CDH19: variants seen among roughly 807,000 people sequenced by gnomAD.
The protein encoded by CDH19 is cadherin 19, also known as cadherin-19.
CDH19 carries 67 observed loss-of-function variants against 64.2 expected under a neutral mutation model. That is an observed-to-expected ratio of 1.04 (90% CI 0.86 to 1.28). The LOEUF is 1.28. Among genes scored for constraint, CDH19 ranks in the 50% most tolerant of loss-of-function variants. The pLI is 0.00. For synonymous variants in CDH19, 346 were observed against 319.3 expected (o/e 1.08, Z -0.89); for missense variants, 1,030 against 929.0 (o/e 1.11, Z -1.41).
chr18:66,520,341 G>T (rs12956983), intron 9 of CDH19, among the ~76,000 whole-genome samples: 38,554 of 132,886 alleles, frequency 0.29, 6,346 homozygotes, highest in South Asian at 0.39. Flanking sequence ...GAAAATAGCT[G>T]TTTTTTTTTT....
At chr18:66,506,520 C>A (rs1419382987) in intron 11 of CDH19, among the ~76,000 whole-genome samples, 1 of 151,946 alleles carries the variant, frequency 6.6e-6, no homozygotes, top group Non-Finnish European at 1.5e-5. Flanking sequence ...TGTGACACCA[C>A]ATAAATTTCA....
chr18:66,538,019 T>G (rs898618724), intron 7 of CDH19, among the ~76,000 whole-genome samples: 1 of 152,092 alleles, frequency 6.6e-6, no homozygotes, highest in Admixed American at 6.6e-5. Context: ...CTTTTGACAA[T>G]AATGCATCTT....
chr18:66,546,679 G>C (rs1457783382), intron 5 of CDH19, among the ~76,000 whole-genome samples: 2 of 152,122 alleles, frequency 1.3e-5, no homozygotes, highest in East Asian at 3.9e-4. Context: ...TGGTATATAA[G>C]AAGGTAGTAT....
intron 3 of CDH19, among the ~76,000 whole-genome samples, chr18:66,559,993 C>G (rs558832286): frequency 1.3e-5 from 2 of 151,960 alleles, no homozygotes; most frequent in African/African-American, 2.4e-5. Flanking sequence ...AAAACAAGGA[C>G]CAAGTATGGT....
chr18:66,534,676 G>A (rs1285188262), intron 8 of CDH19, among the ~76,000 whole-genome samples: 5 of 151,690 alleles, frequency 3.3e-5, no homozygotes, highest in South Asian at 2.1e-4. Flanking sequence ...TTTACAACCC[G>A]AAAACGAAAT....
chr18:66,585,160 C>T (rs968535240), intron 1 of CDH19, among the ~76,000 whole-genome samples: 11 of 151,920 alleles, frequency 7.2e-5, no homozygotes, highest in Middle Eastern at 3.4e-3. Context: ...AATAAAGAAA[C>T]GGAACACATA....
chr18:66,535,635 A>G (rs982516483), intron 7 of CDH19, among the ~76,000 whole-genome samples: 14 of 146,916 alleles, frequency 9.5e-5, no homozygotes, highest in African/African-American at 3.2e-4. Flanking sequence ...ATATATATAA[A>G]CATATATATA....
chr18:66,551,347 T>C, intron 4 of CDH19, 89 bp from the exon 5 acceptor site: 1 of 756,226 alleles, frequency 1.3e-6, no homozygotes, highest in Non-Finnish European at 2.3e-6. Flanking sequence ...TATACATTAT[T>C]TTGCTATATG....
rs149876065 is a variant in CDH19, at chr18:66,504,901, C to T, written c.2230G>A (p.Asp744Asn). The change falls in exon 12 of 12, where the codon GAT becomes AAT. Residue 744 changes from aspartate (D) to asparagine (N), a missense_variant. Asp to Asn is a conservative substitution (Grantham distance 23). Coordinates refer to ENST00000262150, the MANE Select transcript of CDH19 (RefSeq NM_021153.4). ...TCATTAAGGTAATCATAGCTTTCAT[C>T]CTGATCAGAGACTGCTGATTCTAAG... is the stretch of plus-strand genomic sequence containing the variant. Reference protein sequence around the residue: ...SSLESAVSDQDESYDYLNELG... With the variant: ...SSLESAVSDQNESYDYLNELG... The T allele has an allele frequency of 1.7e-5, 28 of 1,613,322 alleles. No individual in the cohort carries two copies. Among genetic ancestry groups the T allele is most frequent in the Admixed American group, 5.0e-5 (3 of 59,844 alleles).
intron 1 of CDH19, among the ~76,000 whole-genome samples, chr18:66,578,357 AT>A (rs1335603532): frequency 6.6e-6 from 1 of 152,006 alleles, no homozygotes; most frequent in Non-Finnish European, 1.5e-5. Flanking sequence ...GACATGTAAA[AT>A]AAGTTAAAAA....
chr18:66,508,048 G>A lies in CDH19; in HGVS notation c.1828+947C>T, dbSNP rs777826298. ...GGAAAATGTGGTATACAGACAGAAC[G>A]AATGCTATTTAGCTTTAAATAAGAA... On this transcript the variant is annotated intron_variant, in intron 11 of 11. Transcript: ENST00000262150. Among the ~76,000 whole-genome samples, 122 of 151,820 alleles carry A rather than the reference G, an allele frequency of 8.0e-4. 1 individual carries two copies. Among genetic ancestry groups the A allele is most frequent in the Non-Finnish European group, 3.1e-4 (21 of 67,904 alleles).
chr18:66,591,190 A>G (rs1172896866), intron 1 of CDH19, among the ~76,000 whole-genome samples: 1 of 152,008 alleles, frequency 6.6e-6, no homozygotes, highest in Non-Finnish European at 1.5e-5. Context: ...CCCATTAAAA[A>G]TAACAGAAAC....
chr18:66,583,377 C>T (rs549615941), intron 1 of CDH19, among the ~76,000 whole-genome samples: 6 of 151,840 alleles, frequency 4.0e-5, no homozygotes, highest in Non-Finnish European at 5.9e-5. Context: ...TACATTTGCA[C>T]GTTTGTTATA....
chr18:66,571,887 C>T lies in CDH19; in HGVS notation c.195+123G>A, dbSNP rs571132959. 17 of 612,676 alleles carry T rather than the reference C, an allele frequency of 2.8e-5. No individual in the cohort carries two copies. The South Asian group carries it at 4.7e-4, about 17-fold the overall frequency. 38.0% of individuals were successfully genotyped at this position (612,676 alleles called of 1,614,324 possible). A position where few individuals can be genotyped will look rare whatever the true frequency, so the allele number is the denominator to read the frequency against. On this transcript the variant is annotated intron_variant, in intron 2 of 11. Transcript: ENST00000262150. ...AAATCTGAAACAATTATTGATGCTG[C>T]TGTTTGAAGCTTTTCAATGGCTTCA... is the stretch of plus-strand genomic sequence containing the variant.
At chr18:66,520,341 G>GTT (rs368834150) in intron 9 of CDH19, among the ~76,000 whole-genome samples, 26,818 of 132,574 alleles carry the variant, frequency 0.2, 2,963 homozygotes, top group East Asian at 0.42. Context: ...GAAAATAGCT[G>GTT]TTTTTTTTTT....
At position 66,502,286 on chromosome 18, in the gene CDH19, T is replaced by C. The variant is rs1296841569; in HGVS notation, c.*2526A>G. 6.6e-6 allele frequency: 1 copy of C among 152,060 alleles called. No individual in the cohort carries two copies. The highest frequency in any genetic ancestry group is 6.6e-5 in the Admixed American group (1 of 15,230). 9.4% of individuals were successfully genotyped at this position (152,060 alleles called of 1,614,324 possible). A position where few individuals can be genotyped will look rare whatever the true frequency, so the allele number is the denominator to read the frequency against. On this transcript the variant is annotated 3_prime_UTR_variant, in exon 12 of 12. Transcript: ENST00000262150. ...AAGAGATGAGCAATCGTGTCTGTGC[T>C]TTCCCTGTGTATCCTATGATTGACA...
In CDH19 at chr18:66,505,318, C is replaced by T. The variant is rs1394038372; in HGVS notation, c.1829-16G>A. ...AAAATAAACCCTGATGAAGAAAGCA[C>T]ATCAGAATATCAATAAACAATAAAG... On this transcript the variant is annotated splice_polypyrimidine_tract_variant and intron_variant, in intron 11 of 11. Transcript: ENST00000262150. The T allele has an allele frequency of 3.3e-6, 5 of 1,520,958 alleles. No individual in the cohort carries two copies. The highest frequency in any genetic ancestry group is 4.4e-6 in the Non-Finnish European group (5 of 1,138,254). 94.2% of individuals were successfully genotyped at this position (1,520,958 alleles called of 1,614,324 possible). A position where few individuals can be genotyped will look rare whatever the true frequency, so the allele number is the denominator to read the frequency against.
chr18:66,529,754 A>G lies in CDH19; in HGVS notation c.1458+91T>C, dbSNP rs1296075037. The G allele has an allele frequency of 1.1e-5, 5 of 470,956 alleles. No homozygotes were observed. In the Admixed American group the frequency reaches 1.9e-4, roughly 18 times the overall value. The allele number at this position is 470,956 out of a possible 1,614,324, so 29.2% of individuals were successfully genotyped here. A position where few individuals can be genotyped will look rare whatever the true frequency, so the allele number is the denominator to read the frequency against. On this transcript the variant is annotated intron_variant, in intron 9 of 11. Transcript: ENST00000262150. The stretch of plus-strand genomic sequence containing the variant: ...AATATTAAAGATGTTGATATCTATT[A>G]TATAACAATATTGTATAATATATGA...
chr18:66,601,253 A>T (rs1397785358), intron 1 of CDH19, among the ~76,000 whole-genome samples: 1 of 151,908 alleles, frequency 6.6e-6, no homozygotes, highest in Non-Finnish European at 1.5e-5. Context: ...ACTATAAAAC[A>T]ACTTAAAGTC....
Sources: allele counts gnomAD v4.1 joint callset (sites outside exome capture counted in the v4.1 genomes callset), GRCh38; gene constraint gnomAD v4.1.1; transcripts MANE v1.5; gene names NCBI Gene and HGNC (gene_info 2026-07-23, HGNC 2026-07-21).